MAD1L1: variants seen among roughly 807,000 people sequenced by gnomAD.
MAD1L1 encodes the protein mitotic arrest deficient 1 like 1.
MAD1L1 carries 95 observed loss-of-function variants against 96.9 expected under a neutral mutation model. The ratio of observed to expected loss-of-function variants is 0.98; its 90% CI spans 0.83 to 1.16. The LOEUF (loss-of-function observed/expected upper bound fraction) is 1.16, where lower values mean the gene tolerates loss of function less well. MAD1L1 is among the 50% of genes most tolerant of loss of function. The probability of loss-of-function intolerance (pLI) is 0.00; values close to 1 mark genes in which losing one functional copy is unlikely to be tolerated. For synonymous variants in MAD1L1, 473 were observed against 396.6 expected, an observed-to-expected ratio of 1.19 and a Z score of -2.29; for missense variants, 1,007 against 954.4, an observed-to-expected ratio of 1.06 and a Z score of -0.73.
chr7:2,228,746 T>C (rs1156606505), intron 3 of MAD1L1, among the ~76,000 whole-genome samples: 11 of 21,354 alleles, frequency 5.2e-4, no homozygotes, highest in Admixed American at 1.1e-3. Flanking sequence ...ACTAGCATTC[T>C]TTTTTTTTTT....
At chr7:1,945,559 G>C (rs1210854913) in intron 16 of MAD1L1, among the ~76,000 whole-genome samples, 2 of 152,190 alleles carry the variant, frequency 1.3e-5, no homozygotes, top group Non-Finnish European at 2.9e-5. Flanking sequence ...TGTGGGAGAG[G>C]TGCTGCTGCT....
At chr7:2,013,995 G>A (rs1782418026) in intron 13 of MAD1L1, among the ~76,000 whole-genome samples, 1 of 152,214 alleles carries the variant, frequency 6.6e-6, no homozygotes, top group South Asian at 2.1e-4. Flanking sequence ...GGAGAGGGAT[G>A]CAGCCTGGAG....
chr7:1,916,182 G>C (rs1236351111), intron 17 of MAD1L1, among the ~76,000 whole-genome samples: 1 of 152,184 alleles, frequency 6.6e-6, no homozygotes, highest in Non-Finnish European at 1.5e-5. Context: ...AGCCTCACGT[G>C]GGACATGCAA....
intron 11 of MAD1L1, among the ~76,000 whole-genome samples, chr7:2,070,359 G>A (rs561885211): frequency 6.6e-6 from 1 of 152,330 alleles, no homozygotes; most frequent in African/African-American, 2.4e-5. Context: ...CCCAGGGAGA[G>A]GGTGAGTCAG....
At chr7:2,016,933 C>T (rs563531340) in intron 12 of MAD1L1, among the ~76,000 whole-genome samples, 4 of 152,382 alleles carry the variant, frequency 2.6e-5, no homozygotes, top group East Asian at 1.9e-4. Flanking sequence ...TCAGTACCAA[C>T]GCGCGGACGC....
At chr7:2,161,130 C>A (rs535026261) in intron 10 of MAD1L1, among the ~76,000 whole-genome samples, 161 of 127,424 alleles carry the variant, frequency 1.3e-3, no homozygotes, top group Non-Finnish European at 2.0e-3. Context: ...TCCCTCTCCC[C>A]TTTGCACGGT....
rs540369408 is a variant in MAD1L1 at position 1,897,096 on chromosome 7, C to T, written c.1998+1104G>A. Among the ~76,000 whole-genome samples the T allele has an allele frequency of 7.4e-4, 112 of 151,292 alleles. 1 individual carries two copies. The highest frequency in any genetic ancestry group is 3.4e-3 in the Middle Eastern group (1 of 292). On this transcript the variant is annotated intron_variant, in intron 18 of 18. Transcript: ENST00000265854. ...CAAGGAACGCAGAGCAAGCCCGGCA[C>T]GGTGCCCCCGTGCAGCGCAGGCTGT... is the stretch of plus-strand genomic sequence containing the variant.
chr7:2,015,148 C>T (rs989216092), intron 12 of MAD1L1, among the ~76,000 whole-genome samples: 2 of 152,202 alleles, frequency 1.3e-5, no homozygotes, highest in Non-Finnish European at 2.9e-5. Flanking sequence ...GGACCTCTGC[C>T]CGGACCTGTC....
chr7:2,182,607 A>G (rs1324733540), intron 10 of MAD1L1, among the ~76,000 whole-genome samples: 1 of 152,202 alleles, frequency 6.6e-6, no homozygotes, highest in Non-Finnish European at 1.5e-5. Flanking sequence ...CTGATGACAC[A>G]ATGGGGTATG....
intron 10 of MAD1L1, among the ~76,000 whole-genome samples, chr7:2,165,240 A>T (rs142557792): frequency 8.9e-4 from 135 of 152,158 alleles, no homozygotes; most frequent in African/African-American, 3.1e-3. Flanking sequence ...TAGAAAGGGA[A>T]GAATTTATAG....
chr7:2,121,861 G>C (rs888136130), intron 11 of MAD1L1, among the ~76,000 whole-genome samples: 2 of 152,216 alleles, frequency 1.3e-5, no homozygotes, highest in Non-Finnish European at 2.9e-5. Flanking sequence ...CCGGGCAGGG[G>C]CTGGCACAGC....
intron 17 of MAD1L1, among the ~76,000 whole-genome samples, chr7:1,899,084 G>A (rs920315646): frequency 6.6e-6 from 1 of 152,174 alleles, no homozygotes; most frequent in Non-Finnish European, 1.5e-5. Flanking sequence ...GCACCCCCAG[G>A]CCCACTGCCC....
chr7:1,847,490 G>A (rs978938176), intron 18 of MAD1L1: 1 of 471,118 alleles, frequency 2.1e-6, no homozygotes, highest in South Asian at 1.5e-5. Context: ...CCACTGGGCG[G>A]CCACTGCAGG....
chr7:1,955,127 A>G (rs1469626722), intron 16 of MAD1L1, among the ~76,000 whole-genome samples: 2 of 152,224 alleles, frequency 1.3e-5, no homozygotes, highest in African/African-American at 4.8e-5. Context: ...CCAGCTGTGA[A>G]CTAATTACAA....
At chr7:2,127,571 A>G (rs1788292082) in intron 11 of MAD1L1, among the ~76,000 whole-genome samples, 1 of 151,736 alleles carries the variant, frequency 6.6e-6, no homozygotes, top group Non-Finnish European at 1.5e-5. Flanking sequence ...TAGGTGGGCA[A>G]TGAGGGAGCA....
chr7:2,143,232 A>G (rs891319053), intron 11 of MAD1L1, among the ~76,000 whole-genome samples: 2 of 151,648 alleles, frequency 1.3e-5, no homozygotes, highest in African/African-American at 4.9e-5. Flanking sequence ...GGTAGAGCCA[A>G]ATGCAAACAC....
chr7:2,048,297 G>A (rs542217458), intron 12 of MAD1L1, among the ~76,000 whole-genome samples: 11 of 152,340 alleles, frequency 7.2e-5, no homozygotes, highest in Admixed American at 1.3e-4. Context: ...CCTGGGCTGC[G>A]AATCCTGCCT....
intron 10 of MAD1L1, among the ~76,000 whole-genome samples, chr7:2,149,831 C>T (rs993379430): frequency 6.6e-6 from 1 of 151,764 alleles, no homozygotes; most frequent in African/African-American, 2.4e-5. Flanking sequence ...GAGCTCGGCC[C>T]GAGCCACATC....
rs113799903 is a variant in MAD1L1, at chr7:2,133,081, G to A, written c.1073+16071C>T. ...TGAGCATCTCCTCACGTGCTTCTCC[G>A]TCACCCACGTGTCTGCTTTGGTGAG... On this transcript the variant is annotated intron_variant, in intron 11 of 18. Transcript: ENST00000265854. Among the ~76,000 whole-genome samples, 969 of 135,762 alleles carry A rather than the reference G, an allele frequency of 7.1e-3. 6 individuals carry two copies. The highest frequency in any genetic ancestry group is 0.014 in the African/African-American group (485 of 34,910). The allele number at this position is 135,762 out of a possible 152,430, so 89.1% of individuals were successfully genotyped here. A position where few individuals can be genotyped will look rare whatever the true frequency, so the allele number is the denominator to read the frequency against.
Sources: gnomAD v4.1 joint callset for allele counts (sites outside exome capture counted in the v4.1 genomes callset) on GRCh38, gnomAD v4.1.1 for gene constraint, MANE v1.5 for transcripts, NCBI Gene and HGNC (gene_info 2026-07-23, HGNC 2026-07-21) for gene names.